The following RLIM variants were observed in gnomAD, a reference collection of about 807,000 sequenced individuals.
The protein encoded by RLIM is ring finger protein, LIM domain interacting, also known as E3 ubiquitin-protein ligase RLIM.
A neutral mutation model predicts 34.0 loss-of-function variants in RLIM; 2 were observed. That is an observed-to-expected ratio of 0.06 (90% confidence interval 0.02 to 0.19). RLIM has a LOEUF of 0.19. RLIM is among the 10% of genes least tolerant of loss of function. The probability of loss-of-function intolerance (pLI) is 1.00; values close to 1 mark genes in which losing one functional copy is unlikely to be tolerated. For synonymous variants in RLIM, 169 were observed against 164.0 expected (o/e 1.03, Z -0.23); for missense variants, 286 against 479.7 (o/e 0.60, Z 3.77).
intron 1 of RLIM, among the ~76,000 whole-genome samples, chrX:74,602,230 A>C (rs1037375747): frequency 3.6e-5 from 4 of 111,468 alleles, no homozygotes; most frequent in African/African-American, 1.3e-4. Context: ...CTATCAAGCT[A>C]AAATAACCCA....
At position 74,593,087 on chromosome X, in the gene RLIM, G is replaced by A. The variant is rs746005699; in HGVS notation, c.254-26C>T. ...CTGTTCAAAACAAAGGAGGGGGAGA[G>A]GGAGAAAAAGGAACTACTAAAATGA... On this transcript the variant is annotated intron_variant, in intron 3 of 3. Transcript: ENST00000332687. 61 of 1,160,284 alleles carry A rather than the reference G, an allele frequency of 5.3e-5. No homozygotes were observed. In the South Asian group the frequency reaches 1.2e-3, roughly 22 times the overall value.
chrX:74,602,220 C>T (rs1361253654), intron 1 of RLIM, among the ~76,000 whole-genome samples: 1 of 111,114 alleles, frequency 9.0e-6, no homozygotes, highest in East Asian at 2.8e-4. Context: ...TTATGAAGGG[C>T]TATCAAGCTA....
rs1390259269 is a variant in RLIM at position 74,584,121 on chromosome X, C to T, written c.*7319G>A. Among the ~76,000 whole-genome samples, 1 of 111,425 alleles carries T rather than the reference C, an allele frequency of 9.0e-6. No homozygotes were observed. Among genetic ancestry groups the T allele is most frequent in the Non-Finnish European group, 1.9e-5 (1 of 53,072 alleles). ...AAACCAGCCAAAACTGATGTTTTTCCTAAGAAATCACACCTCATAAGCAAT... is the reference window on the plus strand; with the variant it reads ...AAACCAGCCAAAACTGATGTTTTTCTTAAGAAATCACACCTCATAAGCAAT... On this transcript the variant is annotated 3_prime_UTR_variant, in exon 4 of 4. Coordinates refer to ENST00000332687, the MANE Select transcript of RLIM (RefSeq NM_016120.4).
Position 74,590,725 on chromosome X carries a change from C to G in RLIM, c.*715G>C, listed in dbSNP as rs369635373. On this transcript the variant is annotated 3_prime_UTR_variant, in exon 4 of 4. Coordinates refer to ENST00000332687, the MANE Select transcript of RLIM (RefSeq NM_016120.4). ...CATACAACAGTGCATTGGAAAAGTACTGAGCCTCTACAAAATAGCTTTACA... is the reference window on the plus strand; with the variant it reads ...CATACAACAGTGCATTGGAAAAGTAGTGAGCCTCTACAAAATAGCTTTACA... 2 of 112,886 alleles carry G rather than the reference C, an allele frequency of 1.8e-5. No individual in the cohort carries two copies. The highest frequency in any genetic ancestry group is 9.4e-5 in the Admixed American group (1 of 10,585). The allele number at this position is 112,886 out of a possible 1,213,427, so 9.3% of individuals were successfully genotyped here.
rs1241590266 is a variant in RLIM at position 74,588,535 on chromosome X, A to G, written c.*2905T>C. The G allele has an allele frequency of 8.9e-6, 1 of 112,296 alleles. No homozygotes were observed. Among genetic ancestry groups the G allele is most frequent in the East Asian group, 2.8e-4 (1 of 3,607 alleles). The allele number at this position is 112,296 out of a possible 1,213,427, so 9.3% of individuals were successfully genotyped here. ...AACTTTGTCAGCTGCTCAGAGTTAA[A>G]ACAATTCAAATGTTTCAGACTAGAA... On this transcript the variant is annotated 3_prime_UTR_variant, in exon 4 of 4. Coordinates refer to ENST00000332687, the MANE Select transcript of RLIM (RefSeq NM_016120.4).
Position 74,591,628 on chromosome X carries a change from C to T in RLIM, c.1687G>A (p.Glu563Lys), listed in dbSNP as rs1199990715. The T allele has an allele frequency of 8.3e-7, 1 of 1,210,181 alleles. No individual in the cohort carries two copies. The highest frequency in any genetic ancestry group is 1.1e-6 in the Non-Finnish European group (1 of 895,310). ...IDNLAMRSFG[E>K]NDALKTCSVC... The stretch of plus-strand genomic sequence containing the variant: ...CTACAGGTTTTTAATGCATCATTTT[C>T]ACCAAAACTTCTCATTGCCAAGTTG... The change falls in exon 4 of 4, where the codon GAA becomes AAA. Residue 563 changes from glutamate (E) to lysine (K), a missense_variant. Around this residue, in one of 6 missense-constraint regions of RLIM, gnomAD observed 14 missense variants for 63.2 expected, o/e 0.22. Transcript: ENST00000332687.
chrX:74,594,642 T>C (rs1415545105), intron 2 of RLIM, among the ~76,000 whole-genome samples: 1 of 111,715 alleles, frequency 9.0e-6, no homozygotes, highest in Non-Finnish European at 1.9e-5. Context: ...CTCACGCCTG[T>C]ACTCCCAGCA....
Position 74,585,552 on chromosome X carries a change from G to A in RLIM, c.*5888C>T, listed in dbSNP as rs1039589789. The A allele has an allele frequency of 7.2e-5, 8 of 111,701 alleles. No individual in the cohort carries two copies. The highest frequency in any genetic ancestry group is 1.5e-4 in the Non-Finnish European group (8 of 53,146). The allele number at this position is 111,701 out of a possible 1,213,427, so 9.2% of individuals were successfully genotyped here. A position where few individuals can be genotyped will look rare whatever the true frequency, so the allele number is the denominator to read the frequency against. On this transcript the variant is annotated 3_prime_UTR_variant, in exon 4 of 4. Transcript: ENST00000332687. The stretch of plus-strand genomic sequence containing the variant: ...AATCTGCAGTATGACATCTTACATA[G>A]GGAAAAAAGCTTCTTCCTAAAAGAT...
At chrX:74,605,099 G>C (rs1011928298) in intron 1 of RLIM, among the ~76,000 whole-genome samples, 1 of 111,275 alleles carries the variant, frequency 9.0e-6, no homozygotes, top group Admixed American at 9.6e-5. Context: ...AGTAAGCTAT[G>C]GCTACAATAC....
intron 1 of RLIM, among the ~76,000 whole-genome samples, chrX:74,606,956 T>C (rs1482164874): frequency 1.8e-5 from 2 of 109,972 alleles, no homozygotes; most frequent in Non-Finnish European, 3.8e-5. Context: ...GGCAACATGG[T>C]GAAACCGTTT....
rs1453061216 is a variant in RLIM at position 74,586,209 on chromosome X, T to C, written c.*5231A>G. On this transcript the variant is annotated 3_prime_UTR_variant, in exon 4 of 4. Transcript: ENST00000332687. ...CTATCAAGAGGTAAAATCCAAACAC[T>C]GGACAGTTAAAACACATACAAACCA... The C allele has an allele frequency of 8.9e-6, 1 of 111,841 alleles. No individual in the cohort carries two copies. The highest frequency in any genetic ancestry group is 9.6e-5 in the Admixed American group (1 of 10,460). The allele number at this position is 111,841 out of a possible 1,213,427, so 9.2% of individuals were successfully genotyped here. A position where few individuals can be genotyped will look rare whatever the true frequency, so the allele number is the denominator to read the frequency against.
chrX:74,594,332 G>T lies in RLIM; in HGVS notation c.227C>A (p.Pro76Gln). 1 of 1,206,858 alleles carries T rather than the reference G, an allele frequency of 8.3e-7. No individual in the cohort carries two copies. The highest frequency in any genetic ancestry group is 1.1e-6 in the Non-Finnish European group (1 of 893,798). Residue 76 changes from proline (P) to glutamine (Q), a missense_variant, in exon 3 of 4, where the codon CCA becomes CAA. Around this residue, in one of 6 missense-constraint regions of RLIM, gnomAD observed 62 missense variants for 71.3 expected, o/e 0.87. Transcript: ENST00000332687. ...RRLQQIKEGP[P>Q]PQNSDENRGG... ...TCTATTTTCATCTGAGTTTTGCGGT[G>T]GTGGGCCTTCTTTAATTTGCTGTAG... is the stretch of plus-strand genomic sequence containing the variant.
In RLIM at chrX:74,586,422, G is replaced by A. The variant is rs1008840750; in HGVS notation, c.*5018C>T. The A allele has an allele frequency of 8.9e-6, 1 of 112,108 alleles. No individual in the cohort carries two copies. The highest frequency in any genetic ancestry group is 3.2e-5 in the African/African-American group (1 of 30,808). 9.2% of individuals were successfully genotyped at this position (112,108 alleles called of 1,213,427 possible). Reference sequence around the variant, plus strand: ...AAGATATCTACTACTCAGCCCAACTGACCATAAAGCAGCTCGTGGAACTTT... The same window carrying A: ...AAGATATCTACTACTCAGCCCAACTAACCATAAAGCAGCTCGTGGAACTTT... On this transcript the variant is annotated 3_prime_UTR_variant, in exon 4 of 4. Transcript: ENST00000332687.
At chrX:74,594,127 G>A (rs991827374) in intron 3 of RLIM, among the ~76,000 whole-genome samples, 179 bp downstream of exon 3, 1 of 111,899 alleles carries the variant, frequency 8.9e-6, no homozygotes, top group Non-Finnish European at 1.9e-5. Flanking sequence ...CAAAGGTGAG[G>A]TAGAAAAAAA....
At chrX:74,605,357 A>C (rs1346975357) in intron 1 of RLIM, among the ~76,000 whole-genome samples, 1 of 112,364 alleles carries the variant, frequency 8.9e-6, no homozygotes, top group African/African-American at 3.2e-5. Flanking sequence ...CAAACATTTT[A>C]AAGTTTAGGC....
chrX:74,592,649 T>C lies in RLIM; in HGVS notation c.666A>G (p.Arg222=). Residue 222 remains arginine, a synonymous_variant, in exon 4 of 4, where the codon AGA becomes AGG. Coordinates refer to ENST00000332687, the MANE Select transcript of RLIM (RefSeq NM_016120.4). ...RSRSPDHRRT[R]ARAERSRSPL... is the part of the protein sequence containing the mutation. ...GTGACCTACTTCTTTCAGCTCTTGC[T>C]CTGGTTCTCCGATGGTCTGGGCTCC... is the stretch of plus-strand genomic sequence containing the variant. 8.3e-7 allele frequency: 1 copy of C among 1,211,852 alleles called. No homozygotes were observed. The highest frequency in any genetic ancestry group is 1.1e-6 in the Non-Finnish European group (1 of 895,437).
intron 1 of RLIM, among the ~76,000 whole-genome samples, chrX:74,611,643 A>C (rs933132763): frequency 1.8e-5 from 2 of 112,005 alleles, no homozygotes; most frequent in African/African-American, 6.5e-5. Context: ...GTATTAACAA[A>C]AGTTTCTGAT....
At chrX:74,608,163 C>G (rs1157611314) in intron 1 of RLIM, among the ~76,000 whole-genome samples, 2 of 111,778 alleles carry the variant, frequency 1.8e-5, no homozygotes, top group Non-Finnish European at 3.8e-5. Flanking sequence ...TTCATTTAAC[C>G]TCTTGTGCCA....
At chrX:74,611,672 T>G (rs2079711571) in intron 1 of RLIM, among the ~76,000 whole-genome samples, 2 of 112,201 alleles carry the variant, frequency 1.8e-5, no homozygotes, top group Admixed American at 1.9e-4. Context: ...ACCTACAGAC[T>G]TTTTACTACA....
Sources: allele counts gnomAD v4.1 joint callset (sites outside exome capture counted in the v4.1 genomes callset), GRCh38; gene constraint gnomAD v4.1.1; regional missense constraint gnomAD v4.1.1; transcripts MANE v1.5; gene names NCBI Gene and HGNC (gene_info 2026-07-23, HGNC 2026-07-21).